Variants in MARK1 observed in about 807,000 individuals in gnomAD.
The protein encoded by MARK1 is serine/threonine-protein kinase MARK1.
A neutral mutation model predicts 96.3 loss-of-function variants in MARK1; 40 were observed. The observed-to-expected ratio is 0.42, with a 90% CI of 0.32 to 0.54. The LOEUF is 0.54. Ranked by LOEUF, MARK1 falls within the 20% of genes least tolerant of loss-of-function variation. The pLI is 0.16. For missense variants in MARK1, 719 were observed against 984.6 expected, an observed-to-expected ratio of 0.73 and a Z score of 3.61; for synonymous variants, 317 against 341.2, an observed-to-expected ratio of 0.93 and a Z score of 0.78.
At chr1:220,657,991 C>G (rs1019347623) in intron 17 of MARK1, among the ~76,000 whole-genome samples, 157 bp downstream of exon 17, 1 of 152,118 alleles carries the variant, frequency 6.6e-6, no homozygotes, top group African/African-American at 2.4e-5. Context: ...ATAATGTTAC[C>G]TAGCATTCAA....
intron 11 of MARK1, among the ~76,000 whole-genome samples, chr1:220,635,123 G>A (rs566224416): frequency 2.0e-5 from 3 of 152,022 alleles, no homozygotes; most frequent in East Asian, 1.9e-4. Flanking sequence ...CTGTTATTTC[G>A]TATTTTGACT....
In MARK1 at chr1:220,604,027, C is replaced by A. The variant is rs758293175; in HGVS notation, c.425-40C>A. 3 of 1,305,060 alleles carry A rather than the reference C, an allele frequency of 2.3e-6. No individual in the cohort carries two copies. The East Asian group carries it at 7.2e-5, about 31-fold the overall frequency. The allele number at this position is 1,305,060 out of a possible 1,614,324, so 80.8% of individuals were successfully genotyped here. Reference sequence around the variant, plus strand: ...ATTGCATATATTGTTAACCAAAAATCTATGTATATTTTACTACCTGCTTTA... The same window carrying A: ...ATTGCATATATTGTTAACCAAAAATATATGTATATTTTACTACCTGCTTTA... On this transcript the variant is annotated intron_variant, in intron 5 of 17. Coordinates refer to ENST00000366917, the MANE Select transcript of MARK1 (RefSeq NM_018650.5).
At chr1:220,594,074 G>A (rs1262956006) in intron 3 of MARK1, among the ~76,000 whole-genome samples, 1 of 152,178 alleles carries the variant, frequency 6.6e-6, no homozygotes, top group Non-Finnish European at 1.5e-5. Context: ...TGACAAATTA[G>A]AATCAACAAG....
chr1:220,639,752 TG>T (rs1668167459), intron 13 of MARK1, among the ~76,000 whole-genome samples: 1 of 152,256 alleles, frequency 6.6e-6, no homozygotes, highest in South Asian at 2.1e-4. Flanking sequence ...TACTTGACTA[TG>T]TGTATATCCT....
At chr1:220,576,142 G>A (rs990520057) in intron 1 of MARK1, among the ~76,000 whole-genome samples, 6 of 150,394 alleles carry the variant, frequency 4.0e-5, no homozygotes, top group African/African-American at 1.5e-4. Context: ...ATAGCATTGT[G>A]TATCTACTGA....
At chr1:220,590,247 A>G (rs575785269) in intron 3 of MARK1, among the ~76,000 whole-genome samples, 1 of 152,296 alleles carries the variant, frequency 6.6e-6, no homozygotes, top group East Asian at 1.9e-4. Context: ...GTACTTTTCA[A>G]TTGGCCAAAA....
chr1:220,542,272 C>T (rs1185843819), intron 1 of MARK1, among the ~76,000 whole-genome samples: 1 of 152,060 alleles, frequency 6.6e-6, no homozygotes, highest in African/African-American at 2.4e-5. Context: ...TGCATCCTTG[C>T]AATTTAATAT....
At chr1:220,627,312 C>T in intron 9 of MARK1, 2 of 503,144 alleles carry the variant, frequency 4.0e-6, no homozygotes, top group South Asian at 3.0e-5. Flanking sequence ...CTTCCAACTT[C>T]AAAAAAGCCA....
At chr1:220,554,726 A>T (rs751502856) in intron 1 of MARK1, among the ~76,000 whole-genome samples, 3 of 152,200 alleles carry the variant, frequency 2.0e-5, no homozygotes, top group Admixed American at 6.5e-5. Flanking sequence ...CCACATCTAG[A>T]ATAGTGCTGT....
At chr1:220,650,444 T>G (rs1031479587) in intron 13 of MARK1, among the ~76,000 whole-genome samples, 176 bp from the exon 14 acceptor site, 3 of 152,218 alleles carry the variant, frequency 2.0e-5, no homozygotes, top group Non-Finnish European at 4.4e-5. Context: ...TTTTTGATGC[T>G]TTGTCTTTTA....
At chr1:220,529,158 G>T (rs1186649027) in intron 1 of MARK1, among the ~76,000 whole-genome samples, 3 of 152,230 alleles carry the variant, frequency 2.0e-5, no homozygotes, top group Non-Finnish European at 4.4e-5. Context: ...CAGAGAAGCA[G>T]AATGGGATGG....
rs139226371 is a variant in MARK1, at chr1:220,650,005, T to C, written c.1471-615T>C. On this transcript the variant is annotated intron_variant, in intron 13 of 17. Coordinates refer to ENST00000366917, the MANE Select transcript of MARK1 (RefSeq NM_018650.5). Reference sequence around the variant, plus strand: ...TATCCCTTTTTGCTTATTTTCTCTCTTCTCTCCAAGGCTCCTCAGACTTGG... The same window carrying C: ...TATCCCTTTTTGCTTATTTTCTCTCCTCTCTCCAAGGCTCCTCAGACTTGG... 3.7e-4 allele frequency among the ~76,000 whole-genome samples: 56 copies of C among 152,316 alleles called. 1 individual carries two copies. The East Asian group carries it at 9.6e-3, about 26-fold the overall frequency.
chr1:220,536,180 C>T lies in MARK1; in HGVS notation c.51+7307C>T, dbSNP rs115949130. On this transcript the variant is annotated intron_variant, in intron 1 of 17. Transcript: ENST00000366917. ...TGGTATTTGGAATCCTTAGGGTTTT[C>T]GGCATATAAGATAATCTCGTCTACA... Among the ~76,000 whole-genome samples, 1,064 of 152,016 alleles carry T rather than the reference C, an allele frequency of 7.0e-3. 17 individuals carry two copies. Among genetic ancestry groups the T allele is most frequent in the African/African-American group, 0.022 (929 of 41,498 alleles).
At chr1:220,600,042 C>T (rs1047402053) in intron 5 of MARK1, among the ~76,000 whole-genome samples, 179 bp downstream of exon 5, 5 of 152,096 alleles carry the variant, frequency 3.3e-5, no homozygotes, top group African/African-American at 1.2e-4. Context: ...TTCGATCTTA[C>T]ATTATAAATG....
chr1:220,595,130 TC>T (rs1665247298), intron 3 of MARK1, among the ~76,000 whole-genome samples: 1 of 152,210 alleles, frequency 6.6e-6, no homozygotes, highest in Admixed American at 6.5e-5. Context: ...TGTTTGTACT[TC>T]CTGCTCAATT....
rs553881607 is a variant in MARK1 at position 220,655,483 on chromosome 1, G to A, written c.1988+2131G>A. On this transcript the variant is annotated intron_variant, in intron 16 of 17. Coordinates refer to ENST00000366917, the MANE Select transcript of MARK1 (RefSeq NM_018650.5). ...ACCTGTCCCTCCCTCATTCTTCACC[G>A]TGTTAGAAATTGGCAGCCTTGTCCT... Among the ~76,000 whole-genome samples the A allele has an allele frequency of 5.5e-4, 84 of 152,172 alleles. 1 individual carries two copies. Among genetic ancestry groups the A allele is most frequent in the Non-Finnish European group, 1.1e-3 (76 of 68,014 alleles).
intron 17 of MARK1, among the ~76,000 whole-genome samples, chr1:220,659,499 A>T (rs571128953): frequency 1.4e-4 from 21 of 152,266 alleles, no homozygotes; most frequent in Admixed American, 1.4e-3. Context: ...ACTGCCTCAT[A>T]GGGTTGTTCT....
rs747141692 is a variant in MARK1, at chr1:220,636,045, A to G, written c.1470+19A>G. On this transcript the variant is annotated intron_variant, in intron 13 of 17. Coordinates refer to ENST00000366917, the MANE Select transcript of MARK1 (RefSeq NM_018650.5). ...TCCAAGTGTGAGTAAATACTCTGGTATATTGCAATTTATTGTAATAACTTG... is the reference window on the plus strand; with the variant it reads ...TCCAAGTGTGAGTAAATACTCTGGTGTATTGCAATTTATTGTAATAACTTG... The G allele has an allele frequency of 3.1e-5, 47 of 1,514,428 alleles. 1 individual carries two copies. In the South Asian group the frequency reaches 5.4e-4, roughly 17 times the overall value. The allele number at this position is 1,514,428 out of a possible 1,614,324, so 93.8% of individuals were successfully genotyped here. A position where few individuals can be genotyped will look rare whatever the true frequency, so the allele number is the denominator to read the frequency against.
chr1:220,604,783 TAA>T (rs1306511057), intron 6 of MARK1, among the ~76,000 whole-genome samples: 1 of 152,036 alleles, frequency 6.6e-6, no homozygotes, highest in East Asian at 1.9e-4. Flanking sequence ...AGCATACATA[TAA>T]GTTACCATAT....
Sources: allele counts gnomAD v4.1 joint callset (sites outside exome capture counted in the v4.1 genomes callset), GRCh38; gene constraint gnomAD v4.1.1; transcripts MANE v1.5; gene names NCBI Gene and HGNC (gene_info 2026-07-23, HGNC 2026-07-21).